The following ASAP1 variants were observed in gnomAD, a reference collection of about 807,000 sequenced individuals.
The protein encoded by ASAP1 is arf-GAP with SH3 domain, ANK repeat and PH domain-containing protein 1.
A neutral mutation model predicts 145.2 loss-of-function variants in ASAP1; 43 were observed. That is an observed-to-expected ratio of 0.30 (90% CI 0.23 to 0.38). ASAP1 has a LOEUF of 0.38. Ranked by LOEUF, ASAP1 falls within the 10% of genes least tolerant of loss-of-function variation. The probability of loss-of-function intolerance (pLI) is 1.00; values close to 1 mark genes in which losing one functional copy is unlikely to be tolerated. For synonymous variants in ASAP1, 546 were observed against 515.5 expected (o/e 1.06, Z -0.80); for missense variants, 1,018 against 1,355.3 (o/e 0.75, Z 3.91).
intron 3 of ASAP1, among the ~76,000 whole-genome samples, chr8:130,241,300 G>C (rs753473434): frequency 3.9e-5 from 6 of 152,036 alleles, no homozygotes; most frequent in African/African-American, 1.2e-4. Flanking sequence ...TCAAATGCAC[G>C]TCATGCCAGT....
chr8:130,438,343 C>CA (rs1830385605), intron 1 of ASAP1, among the ~76,000 whole-genome samples: 1 of 152,214 alleles, frequency 6.6e-6, no homozygotes, highest in South Asian at 2.1e-4. Context: ...CCTAAGGACT[C>CA]AGACGGATCT....
chr8:130,140,360 C>CT (rs1305950960), intron 13 of ASAP1, among the ~76,000 whole-genome samples: 180 of 148,248 alleles, frequency 1.2e-3, no homozygotes, highest in African/African-American at 2.6e-3. Context: ...TTCTTTCTTT[C>CT]TTTTTTTTTT....
chr8:130,217,689 T>C (rs2136461764), intron 4 of ASAP1, among the ~76,000 whole-genome samples: 1 of 152,300 alleles, frequency 6.6e-6, no homozygotes, highest in Middle Eastern at 3.4e-3. Flanking sequence ...TTGGTTAATA[T>C]TTGTTGACCT....
intron 1 of ASAP1, among the ~76,000 whole-genome samples, chr8:130,407,305 G>T (rs772287559): frequency 6.6e-6 from 1 of 152,126 alleles, no homozygotes; most frequent in Non-Finnish European, 1.5e-5. Flanking sequence ...TTGCCCCACC[G>T]AAGGGAAAGG....
intron 2 of ASAP1, among the ~76,000 whole-genome samples, chr8:130,367,350 T>A (rs1483503039): frequency 6.6e-6 from 1 of 152,202 alleles, no homozygotes; most frequent in African/African-American, 2.4e-5. Context: ...AAGTGACCAA[T>A]GAATGTAAAG....
intron 7 of ASAP1, among the ~76,000 whole-genome samples, chr8:130,184,739 A>G (rs1814601645): frequency 6.6e-6 from 1 of 152,224 alleles, no homozygotes; most frequent in South Asian, 2.1e-4. Flanking sequence ...TACATTTATC[A>G]CTTTGACCAA....
chr8:130,290,438 C>A (rs752135105), intron 3 of ASAP1, among the ~76,000 whole-genome samples: 15 of 152,220 alleles, frequency 9.9e-5, no homozygotes, highest in Non-Finnish European at 1.6e-4. Flanking sequence ...CTTTCTCTAA[C>A]CCTTACCTAG....
intron 2 of ASAP1, among the ~76,000 whole-genome samples, chr8:130,400,966 T>C (rs76399697): frequency 0.27 from 40,881 of 151,896 alleles, 5,602 homozygotes; most frequent in South Asian, 0.35. Flanking sequence ...CTGCAACCTC[T>C]GCTTCCGGGG....
intron 24 of ASAP1, among the ~76,000 whole-genome samples, chr8:130,103,849 T>C (rs1337174019): frequency 6.6e-6 from 1 of 152,226 alleles, no homozygotes; most frequent in East Asian, 1.9e-4. Context: ...TTTATTGCTA[T>C]GAACTTCCTT....
At chr8:130,219,931 A>G (rs1817190113) in intron 4 of ASAP1, among the ~76,000 whole-genome samples, 1 of 152,186 alleles carries the variant, frequency 6.6e-6, no homozygotes, top group South Asian at 2.1e-4. Flanking sequence ...CTGGGACTAC[A>G]GGCACATGCC....
At chr8:130,426,742 A>G (rs887862021) in intron 1 of ASAP1, among the ~76,000 whole-genome samples, 1 of 152,136 alleles carries the variant, frequency 6.6e-6, no homozygotes, top group Admixed American at 6.5e-5. Context: ...GCTTAGTGTC[A>G]CATTCTCAGG....
At chr8:130,293,508 G>A (rs770805388) in intron 3 of ASAP1, among the ~76,000 whole-genome samples, 7 of 152,170 alleles carry the variant, frequency 4.6e-5, no homozygotes, top group Non-Finnish European at 7.3e-5. Context: ...GTGACAAGAC[G>A]TGCTCAGGCT....
intron 12 of ASAP1, among the ~76,000 whole-genome samples, chr8:130,153,383 ATT>A: frequency 7.3e-6 from 1 of 136,170 alleles, no homozygotes; most frequent in African/African-American, 2.8e-5. Context: ...ATATATATAT[ATT>A]TTGAGACAGG....
chr8:130,130,141 C>T (rs147334564), intron 15 of ASAP1, among the ~76,000 whole-genome samples: 1 of 152,138 alleles, frequency 6.6e-6, no homozygotes, highest in Admixed American at 6.5e-5. Flanking sequence ...AGATTGAACA[C>T]CCCAAATTTG....
intron 2 of ASAP1, among the ~76,000 whole-genome samples, chr8:130,397,581 C>T (rs1291104549): frequency 6.6e-6 from 1 of 152,250 alleles, no homozygotes; most frequent in East Asian, 1.9e-4. Context: ...AGGTTCACAA[C>T]TATGACAGTG....
intron 24 of ASAP1, among the ~76,000 whole-genome samples, chr8:130,099,163 G>A (rs1208200725): frequency 2.0e-5 from 3 of 150,996 alleles, no homozygotes; most frequent in Admixed American, 6.6e-5. Context: ...ATACGTGTAC[G>A]CCACCAGGCC....
chr8:130,197,632 C>T (rs1235449765), intron 5 of ASAP1, among the ~76,000 whole-genome samples: 1 of 152,172 alleles, frequency 6.6e-6, no homozygotes. Context: ...AGGCAAAATG[C>T]CTGACACTAC....
rs528812543 is a variant in ASAP1, at chr8:130,068,432, A to G, written c.2702-7363T>C. ...GCAAAACTAAGTAACTATGGAAACTAGAGGGTATAGTGCGAAAGAACTGTT... is the reference window on the plus strand; with the variant it reads ...GCAAAACTAAGTAACTATGGAAACTGGAGGGTATAGTGCGAAAGAACTGTT... On this transcript the variant is annotated intron_variant, in intron 27 of 29. Coordinates refer to ENST00000518721, the MANE Select transcript of ASAP1 (RefSeq NM_018482.4). 2.0e-4 allele frequency among the ~76,000 whole-genome samples: 31 copies of G among 152,318 alleles called. No individual in the cohort carries two copies. In the East Asian group the frequency reaches 5.8e-3, roughly 28 times the overall value.
chr8:130,072,824 T>TGTGTGTGTGCACGCGCGCGC, intron 27 of ASAP1, among the ~76,000 whole-genome samples: 3 of 32,282 alleles, frequency 9.3e-5, no homozygotes, highest in Admixed American at 3.6e-4. Flanking sequence ...TGTGTGTGTG[T>TGTGTGTGTGCACGCGCGCGC]GCGCGCGGGG....
Sources: allele counts gnomAD v4.1 joint callset (sites outside exome capture counted in the v4.1 genomes callset), GRCh38; gene constraint gnomAD v4.1.1; transcripts MANE v1.5; gene names NCBI Gene and HGNC (gene_info 2026-07-23, HGNC 2026-07-21).